Variants in DNAAF11 observed in about 807,000 individuals in gnomAD.
DNAAF11 encodes the protein dynein axonemal assembly factor 11, also known as leucine rich repeat containing 6.
In DNAAF11, 45 loss-of-function variants were observed where a neutral mutation model predicts 60.8. That is an observed-to-expected ratio of 0.74 (90% CI 0.58 to 0.95). The LOEUF is 0.95. Among genes scored for constraint, DNAAF11 ranks in the 40% least tolerant of loss-of-function variants. DNAAF11 has a pLI of 0.00. For missense variants in DNAAF11, 546 were observed against 546.2 expected (o/e 1.00, Z 0.00); for synonymous variants, 191 against 183.5 (o/e 1.04, Z -0.33).
chr8:132,671,668 C>T (rs1825198795), intron 1 of DNAAF11, among the ~76,000 whole-genome samples: 1 of 152,026 alleles, frequency 6.6e-6, no homozygotes, highest in African/African-American at 2.4e-5. Context: ...GAAATTGGCA[C>T]AGAGGAAGAC....
At chr8:132,667,266 A>G (rs992927388) in intron 1 of DNAAF11, among the ~76,000 whole-genome samples, 1 of 152,188 alleles carries the variant, frequency 6.6e-6, no homozygotes, top group Non-Finnish European at 1.5e-5. Flanking sequence ...CTGTTCATCT[A>G]TTTCAGTTTT....
intron 9 of DNAAF11, among the ~76,000 whole-genome samples, chr8:132,611,035 C>T (rs1031378796): frequency 6.6e-6 from 1 of 152,134 alleles, no homozygotes; most frequent in Non-Finnish European, 1.5e-5. Flanking sequence ...GCTGGGATTA[C>T]GGGCATGAGC....
chr8:132,688,993 A>T, the DNAAF11 span, among the ~76,000 whole-genome samples: 1 of 152,194 alleles, frequency 6.6e-6, no homozygotes, highest in Non-Finnish European at 1.5e-5. Context: ...AATTTAAAAT[A>T]GCATTGCCTG....
chr8:132,631,396 G>A (rs933782144), intron 5 of DNAAF11, among the ~76,000 whole-genome samples: 1 of 152,186 alleles, frequency 6.6e-6, no homozygotes, highest in Non-Finnish European at 1.5e-5. Flanking sequence ...GGGATAAATT[G>A]TAATTTATTC....
At chr8:132,667,909 T>C (rs1315906256) in intron 1 of DNAAF11, among the ~76,000 whole-genome samples, 2 of 152,188 alleles carry the variant, frequency 1.3e-5, no homozygotes, top group African/African-American at 4.8e-5. Flanking sequence ...AGTTTTTCAT[T>C]ACATTGAGCA....
the DNAAF11 span, chr8:132,684,873 C>T: frequency 2.6e-5 from 4 of 152,176 alleles, no homozygotes; most frequent in Admixed American, 6.5e-5. Context: ...TAAAAAGTAG[C>T]ACCCCCATTG....
intron 5 of DNAAF11, among the ~76,000 whole-genome samples, chr8:132,628,919 T>G (rs939356389): frequency 1.7e-4 from 26 of 152,212 alleles, no homozygotes; most frequent in African/African-American, 6.0e-4. Context: ...TACATAACTT[T>G]GATGCAAAAC....
intron 10 of DNAAF11, among the ~76,000 whole-genome samples, chr8:132,602,101 T>TAA: frequency 6.6e-6 from 1 of 152,272 alleles, no homozygotes; most frequent in Non-Finnish European, 1.5e-5. Flanking sequence ...CAGTGCTCTC[T>TAA]TCAGCTATGT....
intron 10 of DNAAF11, among the ~76,000 whole-genome samples, chr8:132,608,908 G>A (rs2884203): frequency 0.09 from 13,684 of 152,158 alleles, 741 homozygotes; most frequent in South Asian, 0.14. Flanking sequence ...TAATGAATCC[G>A]TTGGAAATTG....
At chr8:132,628,228 A>G (rs1355085444) in intron 5 of DNAAF11, among the ~76,000 whole-genome samples, 1 of 152,166 alleles carries the variant, frequency 6.6e-6, no homozygotes, top group East Asian at 1.9e-4. Flanking sequence ...CCTGACCAAC[A>G]TGGTGAAACC....
At chr8:132,697,486 C>G in the DNAAF11 span, among the ~76,000 whole-genome samples, 62 of 152,166 alleles carry the variant, frequency 4.1e-4, no homozygotes, top group Non-Finnish European at 5.4e-4. Flanking sequence ...GGTGTGGTGG[C>G]ATGCACCTGT....
chr8:132,573,672 G>A (rs1814449294), intron 11 of DNAAF11, among the ~76,000 whole-genome samples: 1 of 152,162 alleles, frequency 6.6e-6, no homozygotes, highest in South Asian at 2.1e-4. Context: ...CTAAACTGAT[G>A]TCCTCAGACT....
intron 11 of DNAAF11, among the ~76,000 whole-genome samples, chr8:132,573,006 G>A (rs66614914): frequency 0.06 from 9,074 of 152,206 alleles, 373 homozygotes; most frequent in South Asian, 0.083. Flanking sequence ...TGAGCCTTCT[G>A]CACTCACTCA....
At chr8:132,648,614 T>C (rs563634828) in intron 3 of DNAAF11, among the ~76,000 whole-genome samples, 38 of 152,196 alleles carry the variant, frequency 2.5e-4, no homozygotes, top group African/African-American at 3.6e-4. Flanking sequence ...GAAAACCCCA[T>C]TGTCTCAGCC....
At chr8:132,639,412 C>T (rs1044569516) in intron 3 of DNAAF11, among the ~76,000 whole-genome samples, 2 of 152,216 alleles carry the variant, frequency 1.3e-5, no homozygotes, top group African/African-American at 2.4e-5. Flanking sequence ...AAGTTCTACA[C>T]ACCCTTCCAT....
chr8:132,626,904 TTTTC>T (rs779532017), intron 5 of DNAAF11, among the ~76,000 whole-genome samples: 7 of 152,198 alleles, frequency 4.6e-5, no homozygotes, highest in Non-Finnish European at 5.9e-5. Context: ...TTCAAATATA[TTTTC>T]TTTATTTTGA....
intron 1 of DNAAF11, among the ~76,000 whole-genome samples, chr8:132,662,205 G>A (rs531647538): frequency 5.7e-4 from 87 of 152,298 alleles, no homozygotes; most frequent in Admixed American, 1.4e-3. Context: ...GTTTCCAGGA[G>A]AAGTATTTTT....
chr8:132,671,105 C>G (rs1474056556), intron 1 of DNAAF11, among the ~76,000 whole-genome samples: 1 of 152,126 alleles, frequency 6.6e-6, no homozygotes, highest in African/African-American at 2.4e-5. Flanking sequence ...CAAGGAAAAA[C>G]AAGGCATCCA....
At chr8:132,648,265 AT>A (rs1470593728) in intron 3 of DNAAF11, among the ~76,000 whole-genome samples, 2 of 152,194 alleles carry the variant, frequency 1.3e-5, no homozygotes, top group East Asian at 3.8e-4. Context: ...AAACCACATG[AT>A]TATCTCAATA....
Sources: gnomAD v4.1 joint callset for allele counts (sites outside exome capture counted in the v4.1 genomes callset) on GRCh38, gnomAD v4.1.1 for gene constraint, MANE v1.5 for transcripts, NCBI Gene and HGNC (gene_info 2026-07-23, HGNC 2026-07-21) for gene names.